PLCB1: variants seen among roughly 807,000 people sequenced by gnomAD.
PLCB1 encodes the protein 1-phosphatidylinositol 4,5-bisphosphate phosphodiesterase beta-1.
Under a neutral mutation model 161.8 loss-of-function variants are expected in PLCB1, and 46 were observed. The ratio of observed to expected loss-of-function variants is 0.28; its 90% CI spans 0.22 to 0.36. The LOEUF is 0.36. Ranked by LOEUF, PLCB1 falls within the 10% of genes least tolerant of loss-of-function variation. PLCB1 has a pLI of 1.00. For missense variants in PLCB1, 1,016 were observed against 1,472.5 expected, an observed-to-expected ratio of 0.69 and a Z score of 5.07; for synonymous variants, 517 against 503.7, an observed-to-expected ratio of 1.03 and a Z score of -0.35.
At chr20:8,577,200 C>T (rs962850516) in intron 3 of PLCB1, among the ~76,000 whole-genome samples, 11 of 151,388 alleles carry the variant, frequency 7.3e-5, no homozygotes, top group African/African-American at 1.2e-4. Context: ...GAGGCTGAGG[C>T]GGGCGGATCA....
At chr20:8,357,784 T>C (rs1986409445) in intron 2 of PLCB1, among the ~76,000 whole-genome samples, 1 of 152,256 alleles carries the variant, frequency 6.6e-6, no homozygotes, top group South Asian at 2.1e-4. Flanking sequence ...ACTCTTGCAC[T>C]GTCAAATGTT....
At chr20:8,463,892 A>T (rs1981699181) in intron 3 of PLCB1, among the ~76,000 whole-genome samples, 1 of 152,028 alleles carries the variant, frequency 6.6e-6, no homozygotes, top group African/African-American at 2.4e-5. Flanking sequence ...ATTTATCAGC[A>T]TTTTTTTTAT....
chr20:8,652,360 A>C (rs1410082901), intron 7 of PLCB1: 1 of 152,182 alleles, frequency 6.6e-6, no homozygotes, highest in Non-Finnish European at 1.5e-5. Flanking sequence ...ATTTACTTGG[A>C]TGACTTATAG....
At chr20:8,485,682 G>C (rs1982689201) in intron 3 of PLCB1, among the ~76,000 whole-genome samples, 1 of 152,192 alleles carries the variant, frequency 6.6e-6, no homozygotes, top group African/African-American at 2.4e-5. Flanking sequence ...CAAATTAGTG[G>C]CAGAGCCTAG....
intron 2 of PLCB1, among the ~76,000 whole-genome samples, chr20:8,270,624 G>GA: frequency 6.6e-6 from 1 of 152,100 alleles, no homozygotes; most frequent in Admixed American, 6.6e-5. Context: ...TGATTAATCT[G>GA]AAAAAAATAG....
chr20:8,335,770 T>C (rs1985550770), intron 2 of PLCB1, among the ~76,000 whole-genome samples: 3 of 152,272 alleles, frequency 2.0e-5, no homozygotes, highest in Non-Finnish European at 2.9e-5. Flanking sequence ...CCAGGACATC[T>C]GTAACGCTGC....
intron 2 of PLCB1, among the ~76,000 whole-genome samples, chr20:8,255,022 C>G (rs968224387): frequency 6.6e-6 from 1 of 151,984 alleles, no homozygotes; most frequent in Non-Finnish European, 1.5e-5. Flanking sequence ...TGGCCACTTG[C>G]AATGGAGAAA....
chr20:8,304,806 T>C (rs1032749711), intron 2 of PLCB1, among the ~76,000 whole-genome samples: 6 of 152,046 alleles, frequency 3.9e-5, no homozygotes, highest in Admixed American at 3.3e-4. Flanking sequence ...ATTATCCCAT[T>C]TTACAGAGAA....
chr20:8,602,120 T>G (rs1987605434), intron 3 of PLCB1, among the ~76,000 whole-genome samples: 1 of 152,176 alleles, frequency 6.6e-6, no homozygotes, highest in South Asian at 2.1e-4. Flanking sequence ...ATGAGACTAG[T>G]TTGAAAAGCT....
chr20:8,560,364 A>AT (rs577655413), intron 3 of PLCB1, among the ~76,000 whole-genome samples: 9 of 151,896 alleles, frequency 5.9e-5, no homozygotes, highest in Admixed American at 5.3e-4. Context: ...GGTCATCTGG[A>AT]TTTTTTTTAA....
At chr20:8,231,718 A>G (rs1980047916) in intron 2 of PLCB1, among the ~76,000 whole-genome samples, 1 of 10,088 alleles carries the variant, frequency 9.9e-5, no homozygotes, top group Admixed American at 1.7e-3. Flanking sequence ...CCCATTGACC[A>G]AACAGGAGAG....
chr20:8,538,197 T>G (rs1198777022), intron 3 of PLCB1, among the ~76,000 whole-genome samples: 1 of 152,072 alleles, frequency 6.6e-6, no homozygotes, highest in African/African-American at 2.4e-5. Context: ...AATTGAAATA[T>G]TCACATATCT....
intron 2 of PLCB1, among the ~76,000 whole-genome samples, chr20:8,305,336 A>C (rs1028912917): frequency 6.6e-6 from 1 of 152,226 alleles, no homozygotes; most frequent in Non-Finnish European, 1.5e-5. Context: ...ACAGTTTTTC[A>C]TATTTTCATA....
intron 27 of PLCB1, among the ~76,000 whole-genome samples, chr20:8,775,008 A>G (rs140488228): frequency 6.6e-6 from 1 of 151,362 alleles, no homozygotes; most frequent in Non-Finnish European, 1.5e-5. Context: ...TTGAAATCTC[A>G]TAAGCAAATA....
chr20:8,469,662 A>G (rs2122711371), intron 3 of PLCB1, among the ~76,000 whole-genome samples: 1 of 152,282 alleles, frequency 6.6e-6, no homozygotes, highest in East Asian at 1.9e-4. Context: ...TCTTATAAAA[A>G]TCAAAAGCTT....
intron 2 of PLCB1, among the ~76,000 whole-genome samples, chr20:8,342,680 A>G (rs566860907): frequency 2.0e-5 from 3 of 152,282 alleles, no homozygotes; most frequent in South Asian, 2.1e-4. Context: ...AACTGAGTCT[A>G]ACCTGTTCTC....
intron 2 of PLCB1, among the ~76,000 whole-genome samples, chr20:8,280,470 GC>G (rs1233767795): frequency 6.6e-6 from 1 of 152,052 alleles, no homozygotes; most frequent in Non-Finnish European, 1.5e-5. Flanking sequence ...TAACTGTAAG[GC>G]TTATGTCATT....
At chr20:8,208,311 A>G (rs964733148) in intron 2 of PLCB1, among the ~76,000 whole-genome samples, 11 of 152,248 alleles carry the variant, frequency 7.2e-5, no homozygotes, top group Admixed American at 5.2e-4. Flanking sequence ...TTTTCACTCT[A>G]CAGTTAAGCT....
chr20:8,880,518 T>C (rs1987933837), intron 31 of PLCB1, among the ~76,000 whole-genome samples: 1 of 152,086 alleles, frequency 6.6e-6, no homozygotes, highest in Non-Finnish European at 1.5e-5. Flanking sequence ...GAATGAAAAA[T>C]GAATCAAAAT....
Sources: allele counts gnomAD v4.1 joint callset (sites outside exome capture counted in the v4.1 genomes callset), GRCh38; gene constraint gnomAD v4.1.1; transcripts MANE v1.5; gene names NCBI Gene and HGNC (gene_info 2026-07-23, HGNC 2026-07-21).